The following RBMS3 variants were observed in gnomAD, a reference collection of about 807,000 sequenced individuals.
The protein encoded by RBMS3 is RNA-binding motif, single-stranded-interacting protein 3.
A neutral mutation model predicts 66.8 loss-of-function variants in RBMS3; 27 were observed. The observed-to-expected ratio is 0.40, with a 90% CI of 0.30 to 0.56. The LOEUF (loss-of-function observed/expected upper bound fraction) is 0.56. RBMS3 is among the 20% of genes least tolerant of loss of function. The pLI, the probability that RBMS3 is intolerant of heterozygous loss-of-function variation, is 0.40. For missense variants in RBMS3, 513 were observed against 549.5 expected, an observed-to-expected ratio of 0.93 and a Z score of 0.66; for synonymous variants, 188 against 183.0, an observed-to-expected ratio of 1.03 and a Z score of -0.22.
At chr3:29,547,716 C>T (rs1559458154) in intron 3 of RBMS3, among the ~76,000 whole-genome samples, 1 of 151,346 alleles carries the variant, frequency 6.6e-6, no homozygotes, top group East Asian at 1.9e-4. Flanking sequence ...TTTCTTAGTC[C>T]AAGTCTTCAG....
chr3:29,321,426 C>T (rs1213655219), intron 1 of RBMS3, among the ~76,000 whole-genome samples: 2 of 151,940 alleles, frequency 1.3e-5, no homozygotes, highest in Non-Finnish European at 2.9e-5. Context: ...AATTTGAACC[C>T]ACAAAGATAT....
At chr3:29,800,177 GA>G (rs1310806578) in intron 6 of RBMS3, among the ~76,000 whole-genome samples, 1 of 151,878 alleles carries the variant, frequency 6.6e-6, no homozygotes, top group African/African-American at 2.4e-5. Flanking sequence ...CTGCCCTTTT[GA>G]ACTCTGTTAA....
intron 8 of RBMS3, among the ~76,000 whole-genome samples, chr3:29,893,535 G>T (rs1462941067): frequency 6.6e-6 from 1 of 151,494 alleles, no homozygotes; most frequent in Non-Finnish European, 1.5e-5. Flanking sequence ...CCACTGCATG[G>T]CATATGAGGA....
chr3:29,893,361 T>A (rs1280496167), intron 8 of RBMS3, among the ~76,000 whole-genome samples: 2 of 151,548 alleles, frequency 1.3e-5, no homozygotes, highest in African/African-American at 4.8e-5. Context: ...GTTTTCCCCA[T>A]AGAATTTCCT....
intron 5 of RBMS3, among the ~76,000 whole-genome samples, chr3:29,752,156 G>C (rs991774139): frequency 6.6e-6 from 1 of 152,148 alleles, no homozygotes; most frequent in African/African-American, 2.4e-5. Context: ...AAGGGGAGCT[G>C]GAAGGGCAAT....
chr3:29,499,055 G>A (rs747596595), intron 3 of RBMS3, among the ~76,000 whole-genome samples: 13 of 152,106 alleles, frequency 8.5e-5, no homozygotes, highest in Admixed American at 2.6e-4. Context: ...GCAGTGACAG[G>A]TGATGGAATT....
chr3:29,962,382 T>G lies in RBMS3; in HGVS notation c.1098+18128T>G, dbSNP rs1035980750. ...GAATTCTAGAGGTCTAAAACCAGCA[T>G]GATAGCTCATTCCTCATCTCTTGGT... On this transcript the variant is annotated intron_variant, in intron 12 of 14. Coordinates refer to ENST00000383767, the MANE Select transcript of RBMS3 (RefSeq NM_001003793.3). Among the ~76,000 whole-genome samples, 66 of 152,010 alleles carry G rather than the reference T, an allele frequency of 4.3e-4. 1 individual carries two copies. Among genetic ancestry groups the G allele is most frequent in the African/African-American group, 1.5e-3 (64 of 41,428 alleles).
At chr3:29,407,738 A>T (rs1047585556) in intron 1 of RBMS3, among the ~76,000 whole-genome samples, 1 of 152,168 alleles carries the variant, frequency 6.6e-6, no homozygotes, top group Non-Finnish European at 1.5e-5. Flanking sequence ...CTGCCCTGTT[A>T]GCACAGTCTT....
chr3:29,394,135 T>C (rs1456238696), intron 1 of RBMS3, among the ~76,000 whole-genome samples: 3 of 152,184 alleles, frequency 2.0e-5, no homozygotes, highest in Non-Finnish European at 2.9e-5. Context: ...TTCAACTGCA[T>C]AAGACAGACA....
chr3:29,643,303 T>C (rs898827833), intron 4 of RBMS3, among the ~76,000 whole-genome samples: 1 of 152,134 alleles, frequency 6.6e-6, no homozygotes, highest in African/African-American at 2.4e-5. Context: ...TCACATTTCC[T>C]GTGCATTAGC....
chr3:29,347,400 A>G (rs552165995), intron 1 of RBMS3, among the ~76,000 whole-genome samples: 2 of 152,334 alleles, frequency 1.3e-5, no homozygotes, highest in Admixed American at 6.5e-5. Context: ...GATGCTGACT[A>G]AAATTGATAG....
At chr3:29,969,109 G>A (rs1007005604) in intron 12 of RBMS3, among the ~76,000 whole-genome samples, 1 of 152,136 alleles carries the variant, frequency 6.6e-6, no homozygotes, top group Admixed American at 6.5e-5. Context: ...CATTTTAAAT[G>A]GATAGTCAAA....
At chr3:29,420,963 A>T (rs1036958636) in intron 1 of RBMS3, among the ~76,000 whole-genome samples, 4 of 148,532 alleles carry the variant, frequency 2.7e-5, no homozygotes, top group African/African-American at 9.8e-5. Flanking sequence ...AAAAAAAAAA[A>T]TTAACTGGGC....
At chr3:29,768,563 T>A (rs965762053) in intron 6 of RBMS3, among the ~76,000 whole-genome samples, 1 of 151,962 alleles carries the variant, frequency 6.6e-6, no homozygotes, top group Admixed American at 6.6e-5. Flanking sequence ...CCTAGAAGCA[T>A]CTTACCTTAT....
chr3:29,481,019 T>C (rs1374595802), intron 2 of RBMS3, among the ~76,000 whole-genome samples: 2 of 152,166 alleles, frequency 1.3e-5, no homozygotes, highest in Admixed American at 1.3e-4. Context: ...CTGTCTGAGA[T>C]TGGATCCTGC....
chr3:29,456,231 A>T (rs1053887547), intron 2 of RBMS3, among the ~76,000 whole-genome samples: 1 of 152,224 alleles, frequency 6.6e-6, no homozygotes, highest in African/African-American at 2.4e-5. Context: ...CTTTAAAATT[A>T]TGTGATATCC....
At chr3:29,343,555 T>G (rs2036402714) in intron 1 of RBMS3, among the ~76,000 whole-genome samples, 1 of 152,168 alleles carries the variant, frequency 6.6e-6, no homozygotes, top group Admixed American at 6.5e-5. Context: ...ACAGTTTTTA[T>G]TTTGTATGTA....
chr3:29,976,193 T>G (rs951465295), intron 12 of RBMS3, among the ~76,000 whole-genome samples: 4 of 152,038 alleles, frequency 2.6e-5, no homozygotes, highest in Admixed American at 1.3e-4. Context: ...TAATTCTCTG[T>G]ATTTCTTTTT....
At chr3:29,987,986 CAG>C in intron 12 of RBMS3, 155 bp from the exon 13 acceptor site, 1 of 593,314 alleles carries the variant, frequency 1.7e-6, no homozygotes, top group Non-Finnish European at 3.0e-6. Context: ...CCTTTCAATA[CAG>C]AGAGGAGCTG....
Sources: gnomAD v4.1 joint callset for allele counts (sites outside exome capture counted in the v4.1 genomes callset) on GRCh38, gnomAD v4.1.1 for gene constraint, MANE v1.5 for transcripts, NCBI Gene and HGNC (gene_info 2026-07-23, HGNC 2026-07-21) for gene names.